The following SYT10 variants were observed in gnomAD, a reference collection of about 807,000 sequenced individuals.
The protein encoded by SYT10 is synaptotagmin 10, also known as synaptotagmin-10.
A neutral mutation model predicts 51.1 loss-of-function variants in SYT10; 31 were observed. The ratio of observed to expected loss-of-function variants is 0.61; its 90% CI spans 0.46 to 0.82. The LOEUF is 0.82. Ranked by LOEUF, SYT10 falls within the 40% of genes least tolerant of loss-of-function variation. The probability of loss-of-function intolerance (pLI) is 0.00; values close to 1 mark genes in which losing one functional copy is unlikely to be tolerated. For synonymous variants in SYT10, 233 were observed against 225.9 expected (o/e 1.03, Z -0.28); for missense variants, 603 against 634.0 (o/e 0.95, Z 0.53).
At chr12:33,379,092 T>G (rs1282667546) in intron 6 of SYT10, among the ~76,000 whole-genome samples, 1 of 152,172 alleles carries the variant, frequency 6.6e-6, no homozygotes, top group Non-Finnish European at 1.5e-5. Flanking sequence ...TGATATTTAG[T>G]CAATGGGATA....
intron 6 of SYT10, among the ~76,000 whole-genome samples, chr12:33,379,177 T>C (rs1457632519): frequency 6.6e-6 from 1 of 152,064 alleles, no homozygotes; most frequent in Non-Finnish European, 1.5e-5. Context: ...ATTCATCATT[T>C]CTTTAGTTTT....
intron 6 of SYT10, among the ~76,000 whole-genome samples, chr12:33,378,859 CATTTGTGTGTGTGTG>C (rs1866088763): frequency 1.4e-5 from 2 of 143,828 alleles, no homozygotes; most frequent in Non-Finnish European, 3.1e-5. Context: ...TTTGTAGATG[CATTTGTGTGTGTGTG>C]TGTCTGTCTT....
At chr12:33,423,366 T>C in intron 2 of SYT10, among the ~76,000 whole-genome samples, 1 of 151,876 alleles carries the variant, frequency 6.6e-6, no homozygotes, top group East Asian at 1.9e-4. Flanking sequence ...CCTGTGCATG[T>C]AGGTTTGATT....
intron 1 of SYT10, among the ~76,000 whole-genome samples, chr12:33,434,593 C>T (rs1334511507): frequency 2.6e-5 from 4 of 152,110 alleles, no homozygotes; most frequent in African/African-American, 9.7e-5. Context: ...CACCTGAGGT[C>T]GGGAGTTGGA....
chr12:33,439,666 T>G lies in SYT10; in HGVS notation c.-144A>C, dbSNP rs2138447529. 1.0e-6 allele frequency: 1 copy of G among 999,452 alleles called. No individual in the cohort carries two copies. Among genetic ancestry groups the G allele is most frequent in the East Asian group, 2.7e-5 (1 of 37,188 alleles). 61.9% of individuals were successfully genotyped at this position (999,452 alleles called of 1,614,324 possible). ...GATTGCGCCGCTGAGAGCCGGCAAC[T>G]CTTAGGAGCCCCACGTTGGCCCCAT... On this transcript the variant is annotated 5_prime_UTR_variant, in exon 1 of 7. Transcript: ENST00000228567.
At chr12:33,426,633 G>A (rs1866555981) in intron 1 of SYT10, 138 bp from the exon 2 acceptor site, 1 of 820,248 alleles carries the variant, frequency 1.2e-6, no homozygotes, top group Non-Finnish European at 1.8e-6. Context: ...TATCTTTGTA[G>A]GAAGAAAAGG....
chr12:33,438,956 G>C (rs1866659891), intron 1 of SYT10, among the ~76,000 whole-genome samples: 1 of 152,238 alleles, frequency 6.6e-6, no homozygotes, highest in South Asian at 2.1e-4. Flanking sequence ...AGCGGCCGGT[G>C]GAACGAGCGA....
intron 4 of SYT10, 125 bp downstream of exon 4, chr12:33,385,046 C>A (rs1866145422): frequency 2.6e-6 from 3 of 1,159,722 alleles, no homozygotes; most frequent in South Asian, 1.8e-5. Flanking sequence ...AATTTGTAAT[C>A]TTTTTTTTTC....
chr12:33,415,835 G>C (rs1866448272), intron 2 of SYT10, among the ~76,000 whole-genome samples: 1 of 152,198 alleles, frequency 6.6e-6, no homozygotes, highest in Admixed American at 6.5e-5. Flanking sequence ...ACTATAGGGA[G>C]AGTAAACTGT....
intron 3 of SYT10, among the ~76,000 whole-genome samples, chr12:33,394,367 G>C (rs139298365): frequency 2.8e-3 from 423 of 152,288 alleles, no homozygotes; most frequent in Non-Finnish European, 4.9e-3. Flanking sequence ...TTTAGGAAAA[G>C]AGTTAAGGCA....
chr12:33,398,509 T>G (rs781257776), intron 3 of SYT10, among the ~76,000 whole-genome samples: 1 of 151,938 alleles, frequency 6.6e-6, no homozygotes, highest in Non-Finnish European at 1.5e-5. Flanking sequence ...CGAAACTCTG[T>G]CTCAAAACAA....
At chr12:33,386,553 T>C (rs890725571) in intron 3 of SYT10, among the ~76,000 whole-genome samples, 10 of 152,084 alleles carry the variant, frequency 6.6e-5, no homozygotes, top group Non-Finnish European at 1.3e-4. Context: ...CTTCTTACCA[T>C]GCAGAACTCA....
chr12:33,390,232 T>TA (rs756280388), intron 3 of SYT10, among the ~76,000 whole-genome samples: 22 of 152,204 alleles, frequency 1.4e-4, no homozygotes, highest in Non-Finnish European at 1.2e-4. Flanking sequence ...CAAGTAGTCA[T>TA]AAAAAGTGGC....
chr12:33,416,745 C>T (rs867149824), intron 2 of SYT10, among the ~76,000 whole-genome samples: 1 of 152,112 alleles, frequency 6.6e-6, no homozygotes, highest in Non-Finnish European at 1.5e-5. Flanking sequence ...CACTTCCTAC[C>T]TTTTCAGGTT....
chr12:33,423,891 G>A, intron 2 of SYT10: 1 of 453,604 alleles, frequency 2.2e-6, no homozygotes, highest in Non-Finnish European at 4.4e-6. Context: ...ATGTCATGGG[G>A]ATAATTAATA....
chr12:33,415,319 C>T (rs1334633050), intron 2 of SYT10, among the ~76,000 whole-genome samples: 1 of 152,084 alleles, frequency 6.6e-6, no homozygotes, highest in Non-Finnish European at 1.5e-5. Flanking sequence ...ATACAAGAAG[C>T]CAAAGTACAT....
chr12:33,419,202 T>TTA (rs779739652), intron 2 of SYT10, among the ~76,000 whole-genome samples: 17 of 152,156 alleles, frequency 1.1e-4, no homozygotes, highest in Admixed American at 5.2e-4. Context: ...TCCAATCCCT[T>TTA]TATTTTGTGC....
At chr12:33,420,360 T>C (rs1333151680) in intron 2 of SYT10, among the ~76,000 whole-genome samples, 2 of 152,044 alleles carry the variant, frequency 1.3e-5, no homozygotes, top group Non-Finnish European at 2.9e-5. Context: ...CTGTGACTAA[T>C]AAAATCAAAC....
intron 3 of SYT10, among the ~76,000 whole-genome samples, chr12:33,390,277 G>A (rs1376270488): frequency 6.6e-6 from 1 of 152,108 alleles, no homozygotes; most frequent in African/African-American, 2.4e-5. Flanking sequence ...TGCTAGAGGA[G>A]GAAGGATCCA....
Sources: allele counts gnomAD v4.1 joint callset (sites outside exome capture counted in the v4.1 genomes callset), GRCh38; gene constraint gnomAD v4.1.1; transcripts MANE v1.5; gene names NCBI Gene and HGNC (gene_info 2026-07-23, HGNC 2026-07-21).